Variants in PTK2B observed in about 807,000 individuals in gnomAD.
PTK2B encodes protein tyrosine kinase 2 beta, also known as protein-tyrosine kinase 2-beta.
In PTK2B, 71 loss-of-function variants were observed where a neutral mutation model predicts 142.9. The observed-to-expected ratio is 0.50, with a 90% CI of 0.41 to 0.61. The LOEUF (loss-of-function observed/expected upper bound fraction) is 0.61. Among genes scored for constraint, PTK2B ranks in the 20% least tolerant of loss-of-function variants. The pLI, the probability that PTK2B is intolerant of heterozygous loss-of-function variation, is 0.00. For missense variants in PTK2B, 1,105 were observed against 1,320.4 expected (o/e 0.84, Z 2.53); for synonymous variants, 519 against 503.4 (o/e 1.03, Z -0.42).
intron 1 of PTK2B, among the ~76,000 whole-genome samples, chr8:27,386,862 TAAAAA>T: frequency 6.6e-6 from 1 of 151,784 alleles, no homozygotes; most frequent in East Asian, 1.9e-4. Flanking sequence ...ACTTTCTAGT[TAAAAA>T]AAGTACCTGA....
chr8:27,376,505 G>A (rs759405811), intron 1 of PTK2B, among the ~76,000 whole-genome samples: 1 of 152,148 alleles, frequency 6.6e-6, no homozygotes, highest in South Asian at 2.1e-4. Flanking sequence ...GGTAAAATGA[G>A]GCTGAGACCT....
intron 2 of PTK2B, among the ~76,000 whole-genome samples, chr8:27,399,164 A>T (rs1808233681): frequency 1.3e-5 from 2 of 152,234 alleles, no homozygotes; most frequent in Admixed American, 1.3e-4. Context: ...TTCAGAAGTT[A>T]ACCTGATTTC....
chr8:27,417,733 T>C (rs1809489658), intron 2 of PTK2B, among the ~76,000 whole-genome samples: 1 of 152,152 alleles, frequency 6.6e-6, no homozygotes, highest in Non-Finnish European at 1.5e-5. Context: ...ACTCTTCTGT[T>C]TACTTTGTAT....
chr8:27,435,126 CA>C (rs1163064894), intron 13 of PTK2B, among the ~76,000 whole-genome samples: 7 of 152,216 alleles, frequency 4.6e-5, no homozygotes, highest in Non-Finnish European at 8.8e-5. Context: ...CTTTATTGCT[CA>C]CAGTTCTAGA....
chr8:27,434,557 T>C lies in PTK2B; in HGVS notation c.1190T>C (p.Ile397Thr). 1 of 1,602,566 alleles carries C rather than the reference T, an allele frequency of 6.2e-7. No homozygotes were observed. The highest frequency in any genetic ancestry group is 8.5e-7 in the Non-Finnish European group (1 of 1,174,500). The change falls in exon 13 of 31, where the codon ATA becomes ACA. Residue 397 changes from isoleucine (I) to threonine (T), a missense_variant and splice_region_variant. Coordinates refer to ENST00000346049, the MANE Select transcript of PTK2B (RefSeq NM_173176.3). ...RRSHLSESCS[I>T]ESDIYAEIPD... ...TCCCACCTCTCAGAGAGCTGCAGCA[T>C]AGGTGAGCTGCCCGCTGCATCCTCC...
At chr8:27,413,452 C>T (rs889580083) in intron 2 of PTK2B, among the ~76,000 whole-genome samples, 1 of 152,216 alleles carries the variant, frequency 6.6e-6, no homozygotes, top group African/African-American at 2.4e-5. Context: ...CTTTAGTCTC[C>T]TCCAATCTGG....
At chr8:27,452,036 A>G (rs2132475053) in intron 27 of PTK2B, 1 of 157,186 alleles carries the variant, frequency 6.4e-6, no homozygotes, top group East Asian at 1.9e-4. Context: ...GATGACAGCC[A>G]TCACAGAGAA....
intron 1 of PTK2B, among the ~76,000 whole-genome samples, chr8:27,343,970 T>C (rs1804565447): frequency 1.3e-5 from 2 of 151,984 alleles, no homozygotes; most frequent in African/African-American, 2.4e-5. Context: ...GCCACTGCAC[T>C]CCAGCCTGGA....
chr8:27,429,367 G>A (rs1331398226), intron 5 of PTK2B, among the ~76,000 whole-genome samples: 1 of 152,330 alleles, frequency 6.6e-6, no homozygotes, highest in South Asian at 2.1e-4. Context: ...TTTAATATAA[G>A]ATCAGGAGTA....
rs150467672 is a variant in PTK2B at position 27,327,380 on chromosome 8, C to A, written c.-38+1699C>A. On this transcript the variant is annotated intron_variant, in intron 1 of 30. Coordinates refer to ENST00000346049, the MANE Select transcript of PTK2B (RefSeq NM_173176.3). ...TTAGCCAATAAAAGCACGGGACACTCAGATTTGAATTTCAGATAAGCACTC... is the reference window on the plus strand; with the variant it reads ...TTAGCCAATAAAAGCACGGGACACTAAGATTTGAATTTCAGATAAGCACTC... Among the ~76,000 whole-genome samples, 664 of 151,804 alleles carry A rather than the reference C, an allele frequency of 4.4e-3. 8 individuals are homozygous for A. The highest frequency in any genetic ancestry group is 0.015 in the African/African-American group (620 of 41,418).
chr8:27,362,673 C>A (rs915652031), intron 1 of PTK2B, among the ~76,000 whole-genome samples: 41 of 151,790 alleles, frequency 2.7e-4, no homozygotes, highest in African/African-American at 9.7e-4. Context: ...TTGCCAAACC[C>A]CCTTTGTAGC....
At chr8:27,345,585 G>T (rs1161311815) in intron 1 of PTK2B, among the ~76,000 whole-genome samples, 1 of 152,204 alleles carries the variant, frequency 6.6e-6, no homozygotes, top group African/African-American at 2.4e-5. Context: ...GGGTGTGGAT[G>T]ATTCTGTTTG....
intron 2 of PTK2B, among the ~76,000 whole-genome samples, chr8:27,411,974 CATATAA>C (rs1246537985): frequency 4.6e-5 from 7 of 152,184 alleles, no homozygotes; most frequent in African/African-American, 1.7e-4. Flanking sequence ...ACAGTTTTAT[CATATAA>C]ATGAGAGCCA....
At chr8:27,365,887 A>G (rs1290345951) in intron 1 of PTK2B, among the ~76,000 whole-genome samples, 2 of 152,200 alleles carry the variant, frequency 1.3e-5, no homozygotes, top group Non-Finnish European at 2.9e-5. Flanking sequence ...CTCCTCAGTT[A>G]TGAAATGAAC....
intron 1 of PTK2B, among the ~76,000 whole-genome samples, chr8:27,364,306 G>A (rs902763750): frequency 6.6e-6 from 1 of 152,206 alleles, no homozygotes; most frequent in Admixed American, 6.5e-5. Context: ...CCATACTCCT[G>A]GGTGAATGAT....
intron 2 of PTK2B, among the ~76,000 whole-genome samples, chr8:27,411,444 G>A (rs555933998): frequency 1.3e-5 from 2 of 152,262 alleles, no homozygotes; most frequent in South Asian, 4.1e-4. Flanking sequence ...TGAGGCAAGG[G>A]CCTATGTGTG....
At chr8:27,315,855 C>T (rs774803056) in intron 3 of PTK2B, among the ~76,000 whole-genome samples, 8 of 152,052 alleles carry the variant, frequency 5.3e-5, no homozygotes, top group Middle Eastern at 3.2e-3. Context: ...GCTTTTCCTC[C>T]ACTATAAAAG....
Position 27,332,908 on chromosome 8 carries a change from C to T in PTK2B, c.-38+7227C>T, listed in dbSNP as rs138647645. On this transcript the variant is annotated intron_variant, in intron 1 of 30. Transcript: ENST00000346049. ...ATTTGAGGAATTATATCTGTCCTCA[C>T]AAAGTTTATAGTATGGTAGGGGAGG... is the stretch of plus-strand genomic sequence containing the variant. 9.6e-3 allele frequency among the ~76,000 whole-genome samples: 1,461 copies of T among 152,286 alleles called. 7 individuals carry two copies. Among genetic ancestry groups the T allele is most frequent in the Middle Eastern group, 0.017 (5 of 294 alleles).
intron 1 of PTK2B, among the ~76,000 whole-genome samples, chr8:27,338,259 T>C (rs1405159928): frequency 6.6e-6 from 1 of 152,222 alleles, no homozygotes; most frequent in Non-Finnish European, 1.5e-5. Context: ...TAGACAATGA[T>C]CTTTTAAAGG....
Sources: allele counts gnomAD v4.1 joint callset (sites outside exome capture counted in the v4.1 genomes callset), GRCh38; gene constraint gnomAD v4.1.1; transcripts MANE v1.5; gene names NCBI Gene and HGNC (gene_info 2026-07-23, HGNC 2026-07-21).